Variants in ERBIN observed in about 807,000 individuals in gnomAD.
ERBIN encodes the protein densin-180-like protein.
Under a neutral mutation model 158.4 loss-of-function variants are expected in ERBIN, and 60 were observed. That is an observed-to-expected ratio of 0.38 (90% CI 0.31 to 0.47). The LOEUF (loss-of-function observed/expected upper bound fraction) is 0.47, where lower values mean the gene tolerates loss of function less well. Ranked by LOEUF, ERBIN falls within the 20% of genes least tolerant of loss-of-function variation. The pLI is 0.99. For synonymous variants in ERBIN, 594 were observed against 557.2 expected, an observed-to-expected ratio of 1.07 and a Z score of -0.93; for missense variants, 1,610 against 1,648.0, an observed-to-expected ratio of 0.98 and a Z score of 0.40.
intron 14 of ERBIN, 22 bp from the exon 15 acceptor site, chr5:66,038,361 A>C (rs1487570174): frequency 6.7e-7 from 1 of 1,500,976 alleles, no homozygotes. Context: ...TTGAAAATTA[A>C]GCATTTATTT....
intron 14 of ERBIN, among the ~76,000 whole-genome samples, chr5:66,035,169 C>T (rs60403344): frequency 0.058 from 8,766 of 152,174 alleles, 883 homozygotes; most frequent in African/African-American, 0.2. Context: ...TTAATTTCTC[C>T]CTACTTTCTC....
At chr5:65,941,907 A>AT (rs2150886971) in intron 1 of ERBIN, among the ~76,000 whole-genome samples, 1 of 152,062 alleles carries the variant, frequency 6.6e-6, no homozygotes, top group Non-Finnish European at 1.5e-5. Flanking sequence ...CGCCTGGCTA[A>AT]TTTTTTGTAT....
intron 21 of ERBIN, chr5:66,068,812 TAACA>T: frequency 7.2e-7 from 1 of 1,397,254 alleles, no homozygotes; most frequent in Non-Finnish European, 9.5e-7. Flanking sequence ...TCTACGTATA[TAACA>T]TGTCTCGTGG....
intron 13 of ERBIN, among the ~76,000 whole-genome samples, chr5:66,027,538 A>G (rs955000818): frequency 6.6e-6 from 1 of 152,074 alleles, no homozygotes; most frequent in African/African-American, 2.4e-5. Context: ...AAATTGTGTC[A>G]GTACTGAACG....
chr5:65,940,613 G>C (rs1301868058), intron 1 of ERBIN, among the ~76,000 whole-genome samples: 1 of 137,314 alleles, frequency 7.3e-6, no homozygotes, highest in Non-Finnish European at 1.6e-5. Flanking sequence ...GAGCCCCTCT[G>C]CCCGGCCAGC....
intron 7 of ERBIN, among the ~76,000 whole-genome samples, chr5:66,018,558 TA>T (rs1755242026): frequency 6.7e-5 from 1 of 15,012 alleles, no homozygotes; most frequent in African/African-American, 2.6e-4. Flanking sequence ...ATATATTATA[TA>T]ATATATATTA....
chr5:66,071,927 A>G (rs1014074237), intron 21 of ERBIN, among the ~76,000 whole-genome samples: 5 of 152,312 alleles, frequency 3.3e-5, no homozygotes, highest in Admixed American at 3.3e-4. Flanking sequence ...TGTATTGTAC[A>G]TAAGTAGATT....
At chr5:66,039,871 G>A (rs549751140) in intron 15 of ERBIN, among the ~76,000 whole-genome samples, 2 of 151,982 alleles carry the variant, frequency 1.3e-5, no homozygotes, top group East Asian at 3.9e-4. Context: ...CTTCTAATCG[G>A]ATTAGAAAGC....
chr5:66,026,160 AAATT>A (rs1266314323), intron 12 of ERBIN, 138 bp from the exon 13 acceptor site: 40 of 685,054 alleles, frequency 5.8e-5, no homozygotes, highest in South Asian at 3.1e-4. Context: ...ATGTACATAA[AAATT>A]AATTAAAAAG....
At chr5:66,015,004 C>T (rs918923283) in intron 7 of ERBIN, among the ~76,000 whole-genome samples, 4 of 152,108 alleles carry the variant, frequency 2.6e-5, no homozygotes, top group Non-Finnish European at 5.9e-5. Context: ...AAGCCCACCT[C>T]AATACTGAAT....
Position 66,078,460 on chromosome 5 carries a change from A to G in ERBIN, c.4169A>G (p.Gln1390Arg). 6.3e-7 allele frequency: 1 copy of G among 1,592,580 alleles called. No homozygotes were observed. The highest frequency in any genetic ancestry group is 8.5e-7 in the Non-Finnish European group (1 of 1,173,906). The change falls in exon 26 of 26, where the codon CAA (glutamine) becomes CGA (arginine). Residue 1390 changes from glutamine (Q) to arginine (R), a missense_variant. Transcript: ENST00000284037. ...GYSFINIEHGQAVSLLKTFQN... is the reference protein window; with the variant it reads ...GYSFINIEHGRAVSLLKTFQN... ...AGTTTTATAAATATTGAACATGGAC[A>G]AGCAGTGTCCTTGCTAAAAACTTTC... is the stretch of plus-strand genomic sequence containing the variant.
At chr5:66,022,785 CTT>C (rs943463132) in intron 8 of ERBIN, 2 of 152,560 alleles carry the variant, frequency 1.3e-5, no homozygotes, top group Non-Finnish European at 2.9e-5. Context: ...GTAGTTATGA[CTT>C]TGTCTATTTA....
chr5:65,972,011 G>C (rs1242249438), intron 1 of ERBIN, among the ~76,000 whole-genome samples: 1 of 152,106 alleles, frequency 6.6e-6, no homozygotes, highest in Non-Finnish European at 1.5e-5. Context: ...TGCCTATAAG[G>C]GCTGCAGTTT....
chr5:66,054,757 C>T lies in ERBIN; in HGVS notation c.3439C>T (p.Pro1147Ser), dbSNP rs376856725. 6.2e-7 allele frequency: 1 copy of T among 1,614,090 alleles called. No individual in the cohort carries two copies. Among genetic ancestry groups the T allele is most frequent in the Non-Finnish European group, 8.5e-7 (1 of 1,179,986 alleles). Residue 1147 changes from proline (P) to serine (S), a missense_variant, in exon 21 of 26, where the codon CCC (proline) becomes TCC (serine). Pro to Ser is a moderately conservative substitution (Grantham distance 74, BLOSUM62 -1). Coordinates refer to ENST00000284037, the MANE Select transcript of ERBIN (RefSeq NM_001253697.2). The part of the protein sequence containing the change: ...PNASRPQSAR[P>S]SINEIPERTM... Reference sequence around the variant, plus strand: ...TGCATCAAGACCTCAGAGTGCTCGACCCTCTATTAATGAAATACCAGAGAG... The same window carrying T: ...TGCATCAAGACCTCAGAGTGCTCGATCCTCTATTAATGAAATACCAGAGAG...
intron 14 of ERBIN, among the ~76,000 whole-genome samples, chr5:66,038,019 G>A (rs1355811302): frequency 6.6e-6 from 1 of 152,142 alleles, no homozygotes; most frequent in Non-Finnish European, 1.5e-5. Flanking sequence ...GAATACTAGA[G>A]AGGGCAAAAT....
chr5:66,025,387 T>C, intron 10 of ERBIN, 93 bp from the exon 11 acceptor site: 1 of 919,754 alleles, frequency 1.1e-6, no homozygotes. Context: ...TTGTTTCTAA[T>C]TCTTGTCAGA....
intron 1 of ERBIN, among the ~76,000 whole-genome samples, chr5:65,929,859 C>T (rs13161618): frequency 3.3e-5 from 5 of 152,146 alleles, no homozygotes; most frequent in South Asian, 2.1e-4. Flanking sequence ...AGGCTGGTCT[C>T]GAACTCCCGA....
At chr5:66,009,579 CA>C (rs1753987300) in intron 4 of ERBIN, among the ~76,000 whole-genome samples, 2 of 152,084 alleles carry the variant, frequency 1.3e-5, no homozygotes, top group South Asian at 4.1e-4. Context: ...AGTTAAATTT[CA>C]TTGAGTTTAG....
intron 14 of ERBIN, 65 bp from the exon 15 acceptor site, chr5:66,038,318 G>A: frequency 9.6e-7 from 1 of 1,036,980 alleles, no homozygotes; most frequent in Middle Eastern, 2.1e-4. Flanking sequence ...CTTATGCAGA[G>A]GAATTGCTGA....
Sources: allele counts gnomAD v4.1 joint callset (sites outside exome capture counted in the v4.1 genomes callset), GRCh38; gene constraint gnomAD v4.1.1; transcripts MANE v1.5; gene names NCBI Gene and HGNC (gene_info 2026-07-23, HGNC 2026-07-21).